The following NXN variants were observed in gnomAD, a reference collection of about 807,000 sequenced individuals.
The protein encoded by NXN is nucleoredoxin.
In NXN, 16 loss-of-function variants were observed where a neutral mutation model predicts 48.6. The observed-to-expected ratio is 0.33, with a 90% confidence interval of 0.22 to 0.50. NXN has a LOEUF of 0.50. Among genes scored for constraint, NXN ranks in the 20% least tolerant of loss-of-function variants. NXN has a pLI of 0.98. For missense variants in NXN, 492 were observed against 605.5 expected (o/e 0.81, Z 1.97); for synonymous variants, 281 against 269.6 (o/e 1.04, Z -0.41).
At chr17:808,973 A>T (rs909811656) in intron 5 of NXN, among the ~76,000 whole-genome samples, 12 of 152,154 alleles carry the variant, frequency 7.9e-5, no homozygotes, top group Admixed American at 7.9e-4. Context: ...CACCGCACCC[A>T]GCCATTATAT....
intron 1 of NXN, among the ~76,000 whole-genome samples, chr17:892,591 C>T (rs1195323038): frequency 6.7e-6 from 1 of 149,868 alleles, no homozygotes; most frequent in African/African-American, 2.5e-5. Flanking sequence ...CATAGCAGGT[C>T]TCGCAGTCTC....
At chr17:817,162 C>T (rs1912512138) in intron 5 of NXN, among the ~76,000 whole-genome samples, 1 of 152,122 alleles carries the variant, frequency 6.6e-6, no homozygotes, top group South Asian at 2.1e-4. Context: ...CATGGGCTGG[C>T]AACATCAGCA....
intron 1 of NXN, among the ~76,000 whole-genome samples, chr17:927,099 G>A (rs965168299): frequency 6.7e-5 from 10 of 150,194 alleles, no homozygotes; most frequent in South Asian, 4.2e-4. Flanking sequence ...GGATCACGAG[G>A]TCAGGAGATC....
chr17:934,969 C>T (rs190920916), intron 1 of NXN, among the ~76,000 whole-genome samples: 35 of 149,198 alleles, frequency 2.3e-4, no homozygotes, highest in African/African-American at 6.2e-4. Flanking sequence ...CATCATTTTG[C>T]TGTGCTCTTT....
At chr17:924,489 G>A (rs1373000414) in intron 1 of NXN, among the ~76,000 whole-genome samples, 3 of 152,188 alleles carry the variant, frequency 2.0e-5, no homozygotes, top group Admixed American at 6.5e-5. Flanking sequence ...CGCCCACCTC[G>A]GCCTCCCGAA....
At chr17:816,263 T>C (rs1348243374) in intron 5 of NXN, among the ~76,000 whole-genome samples, 1 of 151,400 alleles carries the variant, frequency 6.6e-6, no homozygotes, top group Non-Finnish European at 1.5e-5. Flanking sequence ...CTGAATCCCA[T>C]GGATTAGAAG....
intron 1 of NXN, among the ~76,000 whole-genome samples, chr17:950,592 C>T (rs1007321791): frequency 6.6e-6 from 1 of 151,838 alleles, no homozygotes; most frequent in African/African-American, 2.4e-5. Context: ...AACGGCCAGG[C>T]CAGCACAGTC....
Position 806,012 on chromosome 17 carries a change from C to T in NXN, c.821-765G>A, listed in dbSNP as rs976377400. Among the ~76,000 whole-genome samples the T allele has an allele frequency of 9.7e-4, 147 of 152,194 alleles. 1 individual carries two copies. Among genetic ancestry groups the T allele is most frequent in the African/African-American group, 3.1e-3 (128 of 41,512 alleles). ...ACTTGCTGTGGCCACCGATGCAAGA[C>T]GGGTCCTCGCCCGGCCACAGTGAGC... On this transcript the variant is annotated intron_variant, in intron 5 of 7. Transcript: ENST00000336868.
chr17:979,621 C>T lies in NXN; in HGVS notation c.58G>A (p.Glu20Lys). 2.0e-6 allele frequency: 3 copies of T among 1,467,364 alleles called. No homozygotes were observed. The highest frequency in any genetic ancestry group is 2.7e-6 in the Non-Finnish European group (3 of 1,109,388). The allele number at this position is 1,467,364 out of a possible 1,614,324, so 90.9% of individuals were successfully genotyped here. A position where few individuals can be genotyped will look rare whatever the true frequency, so the allele number is the denominator to read the frequency against. ...GCGCCCAGCGAGTGCACGTCCACCT[C>T]CTCGCCGCCGCCCGTCACCAGCTTC... ...GEKLVTGGGE[E>K]VDVHSLGARG... is the part of the protein sequence containing the mutation. Residue 20 changes from glutamate to lysine, a missense_variant, in exon 1 of 8, where the codon GAG (glutamate) becomes AAG (lysine). This residue lies in a region of NXN where 186 missense variants were observed against 199.1 expected (regional missense o/e 0.93). Coordinates refer to ENST00000336868, the MANE Select transcript of NXN (RefSeq NM_022463.5).
chr17:954,336 G>A lies in NXN; in HGVS notation c.360+24983C>T, dbSNP rs57468001. On this transcript the variant is annotated intron_variant, in intron 1 of 7. Transcript: ENST00000336868. ...GTGGAGGTTGCAGTGAGCCGAGATC[G>A]CACCATTGCACTCCAGCCTTGGTGA... Among the ~76,000 whole-genome samples the A allele has an allele frequency of 6.7e-3, 1,014 of 151,600 alleles. 12 individuals are homozygous for A. Among genetic ancestry groups the A allele is most frequent in the African/African-American group, 0.023 (947 of 40,964 alleles).
chr17:842,962 AAGAGAGAAAGAG>A (rs1914421511), intron 1 of NXN, among the ~76,000 whole-genome samples: 1 of 115,350 alleles, frequency 8.7e-6, no homozygotes, highest in African/African-American at 3.2e-5. Context: ...GAAAGAAAGA[AAGAGAGAAAGAG>A]AGAAAGAGAG....
At chr17:838,760 G>A (rs1033076787) in intron 1 of NXN, among the ~76,000 whole-genome samples, 1 of 152,188 alleles carries the variant, frequency 6.6e-6, no homozygotes, top group African/African-American at 2.4e-5. Flanking sequence ...GCTGCCAGGA[G>A]GGCCCTGAAT....
chr17:895,711 G>A (rs535946647), intron 1 of NXN, among the ~76,000 whole-genome samples: 9 of 150,324 alleles, frequency 6.0e-5, no homozygotes, highest in Admixed American at 1.3e-4. Context: ...CCAGCTACTC[G>A]GGAGGCTGAG....
rs890346533 is a variant in NXN, at chr17:857,113, G to A, written c.361-31035C>T. 7.2e-5 allele frequency among the ~76,000 whole-genome samples: 11 copies of A among 152,254 alleles called. No individual in the cohort carries two copies. In the South Asian group the frequency reaches 1.7e-3, roughly 23 times the overall value. On this transcript the variant is annotated intron_variant, in intron 1 of 7. Coordinates refer to ENST00000336868, the MANE Select transcript of NXN (RefSeq NM_022463.5). Reference sequence around the variant, plus strand: ...GACTGTGTGGCTTAGGAACACAAAAGTTTCTTTCTCTCAGTTGTGGTGGGT... The same window carrying A: ...GACTGTGTGGCTTAGGAACACAAAAATTTCTTTCTCTCAGTTGTGGTGGGT...
chr17:900,232 C>T (rs1450829734), intron 1 of NXN, among the ~76,000 whole-genome samples: 1 of 151,952 alleles, frequency 6.6e-6, no homozygotes, highest in Non-Finnish European at 1.5e-5. Context: ...CGCCATTGCA[C>T]TCCAGCCTGG....
At chr17:812,796 G>A (rs1381380947) in intron 5 of NXN, among the ~76,000 whole-genome samples, 1 of 151,388 alleles carries the variant, frequency 6.6e-6, no homozygotes. Context: ...GTGTAGGTGT[G>A]TGTGCGTGAG....
chr17:812,831 T>G (rs552192129), intron 5 of NXN, among the ~76,000 whole-genome samples: 84 of 148,854 alleles, frequency 5.6e-4, no homozygotes, highest in African/African-American at 2.0e-3. Context: ...CGAGTGTGCA[T>G]GTGTGAGTGT....
rs949191533 is a variant in NXN at position 875,035 on chromosome 17, C to CT, written c.361-48958dup. Among the ~76,000 whole-genome samples, 606 of 146,794 alleles carry CT rather than the reference C, an allele frequency of 4.1e-3. 2 individuals carry two copies. The highest frequency in any genetic ancestry group is 0.012 in the African/African-American group (483 of 40,398). The stretch of plus-strand genomic sequence containing the variant: ...CTGCTTTATATATACTACCTTTTTT[C>CT]TTTTTTTTTTTTCTGAGACAGAGTC... On this transcript the variant is annotated intron_variant, in intron 1 of 7. Transcript: ENST00000336868.
intron 1 of NXN, among the ~76,000 whole-genome samples, chr17:942,155 A>T (rs2068983263): frequency 7.3e-6 from 1 of 136,230 alleles, no homozygotes; most frequent in Non-Finnish European, 1.6e-5. Context: ...TCCTGGATTT[A>T]CAGCGAACAA....
Sources: allele counts gnomAD v4.1 joint callset (sites outside exome capture counted in the v4.1 genomes callset), GRCh38; gene constraint gnomAD v4.1.1; regional missense constraint gnomAD v4.1.1; transcripts MANE v1.5; gene names NCBI Gene and HGNC (gene_info 2026-07-23, HGNC 2026-07-21).